The following ALDH1L1 variants were observed in gnomAD, a reference collection of about 807,000 sequenced individuals.
ALDH1L1 encodes cytosolic 10-formyltetrahydrofolate dehydrogenase.
A neutral mutation model predicts 101.1 loss-of-function variants in ALDH1L1; 68 were observed. That is an observed-to-expected ratio of 0.67 (90% confidence interval 0.55 to 0.82). The LOEUF is 0.82. Among genes scored for constraint, ALDH1L1 ranks in the 40% least tolerant of loss-of-function variants. ALDH1L1 has a pLI of 0.00. For synonymous variants in ALDH1L1, 486 were observed against 470.8 expected (o/e 1.03, Z -0.42); for missense variants, 1,087 against 1,172.7 (o/e 0.93, Z 1.07).
chr3:126,134,759 C>T (rs556465693), intron 12 of ALDH1L1, among the ~76,000 whole-genome samples: 14 of 152,330 alleles, frequency 9.2e-5, no homozygotes, highest in South Asian at 4.1e-4. Flanking sequence ...GTTGGGACCA[C>T]GCCATAACTT....
chr3:126,114,132 T>G (rs1288800949), intron 18 of ALDH1L1, among the ~76,000 whole-genome samples: 1 of 152,172 alleles, frequency 6.6e-6, no homozygotes, highest in African/African-American at 2.4e-5. Flanking sequence ...ATATTTGAGG[T>G]TTACAGCATG....
intron 14 of ALDH1L1, 111 bp downstream of exon 14, chr3:126,130,112 T>TATCA: frequency 1.0e-6 from 1 of 1,001,996 alleles, no homozygotes; most frequent in Non-Finnish European, 1.4e-6. Context: ...TGGATGGCTG[T>TATCA]TTGATAAATG....
upstream of ALDH1L1, chr3:126,180,690 G>A (rs1011634515): frequency 1.4e-6 from 2 of 1,381,344 alleles, no homozygotes; most frequent in Admixed American, 6.0e-5. Flanking sequence ...CCGGTGGTGG[G>A]ACTATGGCGG....
intron 12 of ALDH1L1, among the ~76,000 whole-genome samples, chr3:126,132,522 G>A (rs1030927697): frequency 3.9e-4 from 60 of 152,010 alleles, no homozygotes; most frequent in South Asian, 2.1e-4. Flanking sequence ...TCCTCACATC[G>A]GCCTCTTCCA....
chr3:126,159,219 C>T (rs574326020), intron 2 of ALDH1L1, among the ~76,000 whole-genome samples: 20 of 151,160 alleles, frequency 1.3e-4, no homozygotes, highest in South Asian at 8.3e-4. Flanking sequence ...TGCACACATG[C>T]GTGCACACAC....
intron 22 of ALDH1L1, chr3:126,105,219 C>A: frequency 4.5e-6 from 1 of 223,630 alleles, no homozygotes; most frequent in South Asian, 7.5e-5. Flanking sequence ...ACTAAGGATG[C>A]AACCTGAGCC....
intron 21 of ALDH1L1, among the ~76,000 whole-genome samples, chr3:126,106,355 C>A (rs1945870348): frequency 6.6e-6 from 1 of 152,206 alleles, no homozygotes; most frequent in African/African-American, 2.4e-5. Flanking sequence ...ATGATAATTT[C>A]TGGGGTTTTT....
Position 126,179,153 on chromosome 3 carries a change from T to C in ALDH1L1, c.-24+1323A>G, listed in dbSNP as rs73859027. On this transcript the variant is annotated intron_variant, in intron 1 of 22. Transcript: ENST00000393434. ...CCCCTTGTGGGCCGTATGGGCCGCC[T>C]CCAGGCCTCCACCTCCTCCCCCAGT... 5.7e-3 allele frequency among the ~76,000 whole-genome samples: 863 copies of C among 152,312 alleles called. 6 individuals carry two copies. Among genetic ancestry groups the C allele is most frequent in the African/African-American group, 0.019 (805 of 41,590 alleles).
upstream of ALDH1L1, chr3:126,180,604 C>T: frequency 2.5e-6 from 3 of 1,217,210 alleles, no homozygotes; most frequent in Middle Eastern, 3.4e-4. Context: ...AGTCCGCGAG[C>T]TCTGGTTAAG....
intron 16 of ALDH1L1, among the ~76,000 whole-genome samples, chr3:126,119,138 C>T (rs535366371): frequency 6.6e-6 from 1 of 152,248 alleles, no homozygotes; most frequent in South Asian, 2.1e-4. Context: ...GGCTCTGTAC[C>T]AGGCCCTCTT....
intron 1 of ALDH1L1, among the ~76,000 whole-genome samples, chr3:126,177,916 A>G (rs1191320050): frequency 6.6e-6 from 1 of 152,102 alleles, no homozygotes; most frequent in African/African-American, 2.4e-5. Context: ...ATGGTGGTGC[A>G]CCTGTAATCC....
chr3:126,120,334 G>A (rs899261273), intron 16 of ALDH1L1, among the ~76,000 whole-genome samples: 2 of 146,546 alleles, frequency 1.4e-5, no homozygotes, highest in African/African-American at 2.5e-5. Context: ...AGCCATGGAA[G>A]AACCTCAAAT....
intron 17 of ALDH1L1, among the ~76,000 whole-genome samples, chr3:126,117,774 G>C (rs181861852): frequency 1.3e-5 from 2 of 152,152 alleles, no homozygotes; most frequent in Admixed American, 6.5e-5. Flanking sequence ...AGCACCTCTC[G>C]ATCCAGCCCC....
rs1290733741 is a variant in ALDH1L1 at position 126,169,450 on chromosome 3, A to G, written c.-23-8448T>C. The stretch of plus-strand genomic sequence containing the variant: ...AACTGGTTATTTTCCCAAGGCTTTG[A>G]CTGGAATGGTGTGCTCTCCTCTAAG... On this transcript the variant is annotated intron_variant, in intron 1 of 22. Transcript: ENST00000393434. 2.6e-5 allele frequency among the ~76,000 whole-genome samples: 4 copies of G among 152,206 alleles called. 1 individual carries two copies. Among genetic ancestry groups the G allele is most frequent in the African/African-American group, 9.6e-5 (4 of 41,460 alleles).
intron 18 of ALDH1L1, among the ~76,000 whole-genome samples, chr3:126,113,137 C>A (rs1946134630): frequency 6.6e-6 from 1 of 152,224 alleles, no homozygotes; most frequent in South Asian, 2.1e-4. Context: ...GAGGATAAGG[C>A]TGCCATCCAC....
At chr3:126,186,511 CCCTGACCCTGAG>C (rs1234800218), upstream of ALDH1L1, among the ~76,000 whole-genome samples, 24 of 118,378 alleles carry the variant, frequency 2.0e-4, no homozygotes, top group African/African-American at 5.5e-4. Flanking sequence ...CTGACCCTGA[CCCTGACCCTGAG>C]CCTGAGGGCT....
In ALDH1L1 at chr3:126,150,503, T is replaced by C. The variant is rs1393729252; in HGVS notation, c.887A>G (p.Asp296Gly). Residue 296 changes from aspartate (D) to glycine (G), a missense_variant, in exon 8 of 23, where the codon GAT becomes GGT. By Grantham distance (94) the Asp-to-Gly change is moderately conservative (BLOSUM62 -1). Transcript: ENST00000393434. ...MLLVKNIQLEDGKMILASNFF... is the reference protein window; with the variant it reads ...MLLVKNIQLEGGKMILASNFF... ...GTTCGAGGCCAGGATCATTTTGCCA[T>C]CCTCCAGCTGAATATTCTTCACCAG... The C allele has an allele frequency of 3.2e-6, 5 of 1,551,366 alleles. No individual in the cohort carries two copies. The African/African-American group carries it at 4.1e-5, about 13-fold the overall frequency.
upstream of ALDH1L1, chr3:126,181,016 T>C (rs1162392109): frequency 1.3e-6 from 2 of 1,598,144 alleles, no homozygotes; most frequent in Non-Finnish European, 1.7e-6. Flanking sequence ...CTCCGGGAAT[T>C]TGCAGCCGCT....
Position 126,110,024 on chromosome 3 carries a change from A to G in ALDH1L1, c.2267T>C (p.Val756Ala), listed in dbSNP as rs1428631556. 1 of 1,614,090 alleles carries G rather than the reference A, an allele frequency of 6.2e-7. No individual in the cohort carries two copies. Among genetic ancestry groups the G allele is most frequent in the African/African-American group, 1.3e-5 (1 of 74,926 alleles). Residue 756 changes from valine to alanine, a missense_variant, in exon 20 of 23, where the codon GTG (valine) becomes GCG (alanine). Coordinates refer to ENST00000393434, the MANE Select transcript of ALDH1L1 (RefSeq NM_012190.4). ...ATGCTGGCAGTACTCCATCAGCTTC[A>G]CAAGGTGGGCATGGTGATTCTGCGG... Reference protein sequence around the residue: ...HGPQNHHAHLVKLMEYCQHGV... With the variant: ...HGPQNHHAHLAKLMEYCQHGV...
Sources: gnomAD v4.1 joint callset for allele counts (sites outside exome capture counted in the v4.1 genomes callset) on GRCh38, gnomAD v4.1.1 for gene constraint, MANE v1.5 for transcripts, NCBI Gene and HGNC (gene_info 2026-07-23, HGNC 2026-07-21) for gene names.